The following STXBP4 variants were observed in gnomAD, a reference collection of about 807,000 sequenced individuals.
The protein encoded by STXBP4 is syntaxin binding protein 4, also known as syntaxin-binding protein 4.
A neutral mutation model predicts 76.1 loss-of-function variants in STXBP4; 55 were observed. The observed-to-expected ratio is 0.72, with a 90% CI of 0.58 to 0.91. STXBP4 has a LOEUF of 0.91. Among genes scored for constraint, STXBP4 ranks in the 40% least tolerant of loss-of-function variants. STXBP4 has a pLI of 0.00. For missense variants in STXBP4, 618 were observed against 636.9 expected (o/e 0.97, Z 0.32); for synonymous variants, 201 against 220.2 (o/e 0.91, Z 0.77).
the STXBP4 span, among the ~76,000 whole-genome samples, chr17:55,196,838 A>C: frequency 6.6e-6 from 1 of 152,232 alleles, no homozygotes; most frequent in Non-Finnish European, 1.5e-5. Context: ...CTAAACCCAC[A>C]GGTATTGGAC....
chr17:55,166,037 A>G lies in STXBP4; in HGVS notation c.*6126A>G, dbSNP rs1567789961. ...CCCACAGAGTTTAGCAGTGACCCCA[A>G]GGAAAGGAAAGAACTGCAAGTTGCC... On this transcript the variant is annotated 3_prime_UTR_variant, in exon 18 of 18. Coordinates refer to ENST00000376352, the MANE Select transcript of STXBP4 (RefSeq NM_178509.6). 1 of 152,230 alleles carries G rather than the reference A, an allele frequency of 6.6e-6. No homozygotes were observed. The highest frequency in any genetic ancestry group is 1.5e-5 in the Non-Finnish European group (1 of 68,056). The allele number at this position is 152,230 out of a possible 1,614,324, so 9.4% of individuals were successfully genotyped here.
At chr17:55,050,472 A>G (rs1453658803) in intron 12 of STXBP4, among the ~76,000 whole-genome samples, 2 of 152,270 alleles carry the variant, frequency 1.3e-5, no homozygotes, top group Admixed American at 6.5e-5. Context: ...CTAAAGAATG[A>G]TGACATTCAT....
chr17:55,026,267 A>G (rs2078412464), intron 8 of STXBP4, among the ~76,000 whole-genome samples: 1 of 152,218 alleles, frequency 6.6e-6, no homozygotes, highest in African/African-American at 2.4e-5. Flanking sequence ...GTGACCCTAA[A>G]AGAAGGATCC....
chr17:55,054,946 A>G (rs2078905915), intron 12 of STXBP4, among the ~76,000 whole-genome samples: 1 of 152,146 alleles, frequency 6.6e-6, no homozygotes, highest in Non-Finnish European at 1.5e-5. Context: ...ATGGCATAAA[A>G]GGGGAAATTT....
chr17:55,063,599 G>A lies in STXBP4; in HGVS notation c.1012-9301G>A, dbSNP rs564260913. On this transcript the variant is annotated intron_variant, in intron 12 of 17. Coordinates refer to ENST00000376352, the MANE Select transcript of STXBP4 (RefSeq NM_178509.6). The stretch of plus-strand genomic sequence containing the variant: ...GAATTTAAGAAACATTTCTAAATGC[G>A]TGCTTTATATGGAGTCATTGTGAAT... Among the ~76,000 whole-genome samples the A allele has an allele frequency of 3.9e-5, 6 of 152,264 alleles. 1 individual carries two copies. Among genetic ancestry groups the A allele is most frequent in the African/African-American group, 9.6e-5 (4 of 41,556 alleles).
At chr17:55,141,264 T>A (rs2080091519) in intron 16 of STXBP4, 46 bp from the exon 17 acceptor site, 1 of 1,471,398 alleles carries the variant, frequency 6.8e-7, no homozygotes, top group Non-Finnish European at 9.5e-7. Context: ...AATAAAGTTA[T>A]CTTTATCATC....
intron 7 of STXBP4, among the ~76,000 whole-genome samples, chr17:55,005,001 C>G (rs1598189291): frequency 6.6e-6 from 1 of 152,076 alleles, no homozygotes; most frequent in East Asian, 1.9e-4. Flanking sequence ...ATACACAGAC[C>G]CTCTTAAGGT....
chr17:54,984,676 C>T (rs1185991336), intron 1 of STXBP4, among the ~76,000 whole-genome samples: 1 of 152,110 alleles, frequency 6.6e-6, no homozygotes, highest in Non-Finnish European at 1.5e-5. Context: ...TATGTTCCTC[C>T]TGCACCTGTT....
At chr17:55,185,253 TTCTCCTTCTCCTTCTCCTTCTCCTTCTC>T in the STXBP4 span, among the ~76,000 whole-genome samples, 259 of 48,260 alleles carry the variant, frequency 5.4e-3, no homozygotes, top group Admixed American at 6.5e-3. Flanking sequence ...CTTCTTCTCC[TTCTCCTTCTCCTTCTCCTTCTCCTTCTC>T]CTTCTCCTTC....
At chr17:55,035,590 AT>A (rs2078586820) in intron 10 of STXBP4, among the ~76,000 whole-genome samples, 1 of 151,934 alleles carries the variant, frequency 6.6e-6, no homozygotes, top group Non-Finnish European at 1.5e-5. Flanking sequence ...GGCTTTACAA[AT>A]TAAAATTTTC....
At chr17:55,036,609 T>A (rs1567730854) in intron 10 of STXBP4, among the ~76,000 whole-genome samples, 1 of 151,922 alleles carries the variant, frequency 6.6e-6, no homozygotes, top group Non-Finnish European at 1.5e-5. Flanking sequence ...ATAGTCTTAT[T>A]AACTTATATA....
chr17:55,209,669 G>A, the STXBP4 span, among the ~76,000 whole-genome samples: 3 of 152,220 alleles, frequency 2.0e-5, no homozygotes, highest in Non-Finnish European at 4.4e-5. Flanking sequence ...GAGCAGCTGA[G>A]GACACGTGCT....
chr17:55,024,355 G>T (rs2078375187), intron 8 of STXBP4, among the ~76,000 whole-genome samples: 1 of 152,292 alleles, frequency 6.6e-6, no homozygotes, highest in Non-Finnish European at 1.5e-5. Context: ...GCTATATCAG[G>T]TTCTCTTCCT....
chr17:54,999,598 G>A (rs751533214), intron 5 of STXBP4, 34 bp from the exon 6 acceptor site: 5 of 1,570,860 alleles, frequency 3.2e-6, no homozygotes, highest in African/African-American at 2.7e-5. Flanking sequence ...TATATTCATA[G>A]CATATCCATA....
chr17:55,113,217 CCACACACACACACACA>C (rs10611316), intron 16 of STXBP4, among the ~76,000 whole-genome samples: 26 of 141,424 alleles, frequency 1.8e-4, no homozygotes, highest in Admixed American at 5.0e-4. Context: ...GGTGCTCTTA[CCACACACACACACACA>C]CACACACACA....
Position 55,173,063 on chromosome 17 carries a change from T to C in STXBP4, c.*13152T>C, listed in dbSNP as rs1438323587. ...GTAACTGTGTCTCCTTCCCCAACCA[T>C]GTATGTGATACATTCATTCTCTAGG... On this transcript the variant is annotated 3_prime_UTR_variant, in exon 18 of 18. Coordinates refer to ENST00000376352, the MANE Select transcript of STXBP4 (RefSeq NM_178509.6). The C allele has an allele frequency of 6.6e-6, 1 of 152,222 alleles. No homozygotes were observed. Among genetic ancestry groups the C allele is most frequent in the Non-Finnish European group, 1.5e-5 (1 of 68,034 alleles). The allele number at this position is 152,222 out of a possible 1,614,324, so 9.4% of individuals were successfully genotyped here.
At chr17:55,139,811 C>A (rs1376750190) in intron 16 of STXBP4, among the ~76,000 whole-genome samples, 1 of 152,026 alleles carries the variant, frequency 6.6e-6, no homozygotes, top group Non-Finnish European at 1.5e-5. Context: ...TTCAAGGTGG[C>A]CTGTGTTAAT....
Position 55,167,012 on chromosome 17 carries a change from A to G in STXBP4, c.*7101A>G, listed in dbSNP as rs2080380732. Reference sequence around the variant, plus strand: ...GAAATGGGAAAACAGAATACTGGCCAGGATGGTCTGTTGTTTCTTATCTGT... The same window carrying G: ...GAAATGGGAAAACAGAATACTGGCCGGGATGGTCTGTTGTTTCTTATCTGT... On this transcript the variant is annotated 3_prime_UTR_variant, in exon 18 of 18. Coordinates refer to ENST00000376352, the MANE Select transcript of STXBP4 (RefSeq NM_178509.6). 1 of 152,230 alleles carries G rather than the reference A, an allele frequency of 6.6e-6. No homozygotes were observed. The highest frequency in any genetic ancestry group is 2.4e-5 in the African/African-American group (1 of 41,456). The allele number at this position is 152,230 out of a possible 1,614,324, so 9.4% of individuals were successfully genotyped here. A position where few individuals can be genotyped will look rare whatever the true frequency, so the allele number is the denominator to read the frequency against.
the STXBP4 span, among the ~76,000 whole-genome samples, chr17:55,196,266 A>G: frequency 2.6e-5 from 4 of 152,028 alleles, no homozygotes; most frequent in African/African-American, 9.7e-5. Flanking sequence ...ATCAAAATTC[A>G]TACTCCTAAG....
Sources: allele counts gnomAD v4.1 joint callset (sites outside exome capture counted in the v4.1 genomes callset), GRCh38; gene constraint gnomAD v4.1.1; transcripts MANE v1.5; gene names NCBI Gene and HGNC (gene_info 2026-07-23, HGNC 2026-07-21).